POM121C: variants seen among roughly 807,000 people sequenced by gnomAD.
The protein encoded by POM121C is nuclear envelope pore membrane protein POM 121C.
In POM121C, 20 loss-of-function variants were observed where a neutral mutation model predicts 66.4. That is an observed-to-expected ratio of 0.30 (90% CI 0.21 to 0.44). POM121C has a LOEUF of 0.44. Ranked by LOEUF, POM121C falls within the 20% of genes least tolerant of loss-of-function variation. POM121C has a pLI of 1.00. For missense variants in POM121C, 580 were observed against 1,225.7 expected (o/e 0.47, Z 7.87); for synonymous variants, 286 against 528.0 (o/e 0.54, Z 6.28).
chr7:75,463,384 C>T (rs1791511985), intron 3 of POM121C, among the ~76,000 whole-genome samples: 1 of 151,366 alleles, frequency 6.6e-6, no homozygotes, highest in Non-Finnish European at 1.5e-5. Context: ...TGGCTAAGCC[C>T]TGAAGGACTG....
Position 75,475,136 on chromosome 7 carries a change from C to G in POM121C, c.-405G>C. 1 of 1,562,640 alleles carries G rather than the reference C, an allele frequency of 6.4e-7. No individual in the cohort carries two copies. The highest frequency in any genetic ancestry group is 1.7e-4 in the Middle Eastern group (1 of 5,754). On this transcript the variant is annotated 5_prime_UTR_variant, in exon 2 of 15. Transcript: ENST00000615331. ...TATCTTCTCATCAGGGTCCAGTTGC[C>G]GCCACTCCTCCTGGGTGAAATCCAC...
At position 75,417,090 on chromosome 7, in the gene POM121C, C is replaced by T. The variant is rs1789496708; in HGVS notation, c.*1706G>A. ...TTGCTAGGCCCAGGCCCACCCAGAC[C>T]CTCCAATCCTAACAGGTATTTAGGC... On this transcript the variant is annotated 3_prime_UTR_variant, in exon 15 of 15. Coordinates refer to ENST00000615331, the MANE Select transcript of POM121C (RefSeq NM_001099415.3). 29 of 1,045,004 alleles carry T rather than the reference C, an allele frequency of 2.8e-5. No homozygotes were observed. The highest frequency in any genetic ancestry group is 3.2e-5 in the Non-Finnish European group (28 of 864,094). 64.7% of individuals were successfully genotyped at this position (1,045,004 alleles called of 1,614,324 possible). A position where few individuals can be genotyped will look rare whatever the true frequency, so the allele number is the denominator to read the frequency against.
intron 1 of POM121C, among the ~76,000 whole-genome samples, chr7:75,484,545 T>C (rs1792436381): frequency 6.6e-6 from 1 of 151,648 alleles, no homozygotes; most frequent in Non-Finnish European, 1.5e-5. Flanking sequence ...GTCACATGCC[T>C]GTAGTCCCAG....
chr7:75,469,931 T>C (rs1385512534), intron 3 of POM121C, among the ~76,000 whole-genome samples: 1 of 152,224 alleles, frequency 6.6e-6, no homozygotes, highest in African/African-American at 2.4e-5. Flanking sequence ...CCCCTCACAG[T>C]AATTGTCACC....
In POM121C at chr7:75,485,945, G is replaced by T; in HGVS notation, c.-539C>A. Reference sequence around the variant, plus strand: ...CTGTCGCTGGCGCGCGCGTCTGCTCGCGAGGTCCCCTCCTGTCCACCTCAC... The same window carrying T: ...CTGTCGCTGGCGCGCGCGTCTGCTCTCGAGGTCCCCTCCTGTCCACCTCAC... On this transcript the variant is annotated 5_prime_UTR_variant, in exon 1 of 15. Transcript: ENST00000615331. 2 of 498,756 alleles carry T rather than the reference G, an allele frequency of 4.0e-6. No homozygotes were observed. Among genetic ancestry groups the T allele is most frequent in the Non-Finnish European group, 7.9e-6 (2 of 252,418 alleles). The allele number at this position is 498,756 out of a possible 1,614,324, so 30.9% of individuals were successfully genotyped here.
intron 3 of POM121C, among the ~76,000 whole-genome samples, chr7:75,474,278 C>G (rs1196109975): frequency 7.9e-5 from 12 of 152,052 alleles, no homozygotes; most frequent in African/African-American, 2.9e-4. Context: ...CCTGAAATCC[C>G]AGCTACTCAG....
rs1554470170 is a variant in POM121C, at chr7:75,418,844, C to T, written c.2916G>A (p.Gly972=). The change falls in exon 15 of 15, where the codon GGG becomes GGA. Residue 972 remains glycine (G), a synonymous_variant. Transcript: ENST00000615331. ...FSIGAGSKTP[G]ARQRLQARRQ... is the part of the protein sequence containing the mutation. ...TTCGGGCCTGCAGTCGCTGTCGAGC[C>T]CCTGGGGTCTTGGATCCCGCACCAA... 6.2e-7 allele frequency: 1 copy of T among 1,611,908 alleles called. No individual in the cohort carries two copies. The highest frequency in any genetic ancestry group is 2.2e-5 in the East Asian group (1 of 44,868).
chr7:75,438,925 C>A (rs587600768), intron 6 of POM121C, among the ~76,000 whole-genome samples: 1 of 152,326 alleles, frequency 6.6e-6, no homozygotes, highest in South Asian at 2.1e-4. Context: ...AACCTCTAGT[C>A]TCAGCATATT....
chr7:75,483,707 A>C (rs1554480496), intron 1 of POM121C, among the ~76,000 whole-genome samples: 1 of 152,148 alleles, frequency 6.6e-6, no homozygotes, highest in Non-Finnish European at 1.5e-5. Context: ...CTTAAAATAT[A>C]CTACCCATAC....
At chr7:75,461,329 G>A (rs1791435033) in intron 3 of POM121C, among the ~76,000 whole-genome samples, 1 of 152,126 alleles carries the variant, frequency 6.6e-6, no homozygotes, top group African/African-American at 2.4e-5. Context: ...GAACCTAACT[G>A]ACATTTACAG....
intron 6 of POM121C, among the ~76,000 whole-genome samples, chr7:75,438,126 CAG>C (rs1790484610): frequency 6.6e-6 from 1 of 152,108 alleles, no homozygotes; most frequent in South Asian, 2.1e-4. Context: ...AAAAAAAAAT[CAG>C]AGTTAAGAGG....
chr7:75,468,034 A>G (rs1439089082), intron 3 of POM121C, among the ~76,000 whole-genome samples: 2 of 144,678 alleles, frequency 1.4e-5, no homozygotes, highest in Non-Finnish European at 3.0e-5. Context: ...TCAGGGGCTG[A>G]GGCCGGAGAA....
At chr7:75,436,050 C>A (rs1359020785) in intron 7 of POM121C, among the ~76,000 whole-genome samples, 195 of 135,854 alleles carry the variant, frequency 1.4e-3, no homozygotes, top group Admixed American at 2.0e-3. Flanking sequence ...GACTCCGTCT[C>A]AAAAAAAAAA....
At chr7:75,476,518 A>G (rs1187773837) in intron 1 of POM121C, among the ~76,000 whole-genome samples, 1 of 152,172 alleles carries the variant, frequency 6.6e-6, no homozygotes, top group African/African-American at 2.4e-5. Context: ...TGTAGATCCC[A>G]AGAGATAGCA....
chr7:75,463,449 CTTT>C (rs1191010098), intron 3 of POM121C, among the ~76,000 whole-genome samples: 26 of 120,728 alleles, frequency 2.2e-4, no homozygotes, highest in Admixed American at 2.5e-4. Context: ...CTGGGTTTTT[CTTT>C]TTTTTTTTTT....
chr7:75,426,916 A>C (rs1460113895), intron 7 of POM121C, among the ~76,000 whole-genome samples: 4 of 150,802 alleles, frequency 2.7e-5, no homozygotes, highest in Non-Finnish European at 5.9e-5. Context: ...AAAAAAGAAA[A>C]GTCTATAAAA....
At position 75,485,019 on chromosome 7, in the gene POM121C, G is replaced by T. The variant is rs587635766; in HGVS notation, c.-458+845C>A. On this transcript the variant is annotated intron_variant, in intron 1 of 14. Coordinates refer to ENST00000615331, the MANE Select transcript of POM121C (RefSeq NM_001099415.3). ...CATCCCAGCATGCCTGGCGACTTTT[G>T]TATTTTTTGTAGTCAGGGTGTCCCC... Among the ~76,000 whole-genome samples, 550 of 151,818 alleles carry T rather than the reference G, an allele frequency of 3.6e-3. 2 individuals carry two copies. Among genetic ancestry groups the T allele is most frequent in the African/African-American group, 0.013 (520 of 41,370 alleles).
At chr7:75,462,518 C>T (rs1791478213) in intron 3 of POM121C, among the ~76,000 whole-genome samples, 1 of 152,092 alleles carries the variant, frequency 6.6e-6, no homozygotes, top group South Asian at 2.1e-4. Flanking sequence ...CCACAACCTT[C>T]CATGGTTCAG....
intron 3 of POM121C, among the ~76,000 whole-genome samples, chr7:75,471,765 C>T (rs1436149171): frequency 4.6e-5 from 7 of 152,126 alleles, no homozygotes; most frequent in African/African-American, 1.4e-4. Context: ...ACCTACTACG[C>T]GCTGTCACGT....
Sources: allele counts gnomAD v4.1 joint callset (sites outside exome capture counted in the v4.1 genomes callset), GRCh38; gene constraint gnomAD v4.1.1; transcripts MANE v1.5; gene names NCBI Gene and HGNC (gene_info 2026-07-23, HGNC 2026-07-21).